Variants in COL4A1 observed in about 807,000 individuals in gnomAD.
The protein encoded by COL4A1 is collagen type IV alpha 1 chain, also known as collagen alpha-1(IV) chain.
Under a neutral mutation model 216.6 loss-of-function variants are expected in COL4A1, and 40 were observed. That is an observed-to-expected ratio of 0.18 (90% CI 0.14 to 0.24). The LOEUF (loss-of-function observed/expected upper bound fraction) is 0.24. COL4A1 is among the 10% of genes least tolerant of loss of function. COL4A1 has a pLI of 1.00. For missense variants in COL4A1, 1,628 were observed against 2,196.8 expected, an observed-to-expected ratio of 0.74 and a Z score of 5.18; for synonymous variants, 839 against 810.7, an observed-to-expected ratio of 1.03 and a Z score of -0.59.
Position 110,184,703 on chromosome 13 carries a change from T to TG in COL4A1, c.1898-1428_1898-1427insC, listed in dbSNP as rs771419820. Among the ~76,000 whole-genome samples, 980 of 149,108 alleles carry TG rather than the reference T, an allele frequency of 6.6e-3. 7 individuals are homozygous for TG. Among genetic ancestry groups the TG allele is most frequent in the African/African-American group, 0.022 (910 of 40,984 alleles). ...GACTGTGTGTGTGTGTGTGTGTGTG[T>TG]TTTGTTTGTTTGTTTGTTTGTTTTT... is the stretch of plus-strand genomic sequence containing the variant. On this transcript the variant is annotated intron_variant, in intron 26 of 51. Coordinates refer to ENST00000375820, the MANE Select transcript of COL4A1 (RefSeq NM_001845.6).
chr13:110,223,237 G>C (rs1321929537), intron 2 of COL4A1, among the ~76,000 whole-genome samples: 1 of 152,108 alleles, frequency 6.6e-6, no homozygotes, highest in Non-Finnish European at 1.5e-5. Flanking sequence ...TCACAGGGAG[G>C]TCTCTAAGAA....
At chr13:110,241,813 A>C (rs903100552) in intron 2 of COL4A1, among the ~76,000 whole-genome samples, 1 of 152,218 alleles carries the variant, frequency 6.6e-6, no homozygotes, top group Non-Finnish European at 1.5e-5. Context: ...TGGCCCCATA[A>C]AACCTCTGGC....
chr13:110,230,104 G>A (rs997213250), intron 2 of COL4A1, among the ~76,000 whole-genome samples: 1 of 125,778 alleles, frequency 8.0e-6, no homozygotes, highest in Admixed American at 8.7e-5. Flanking sequence ...GGACGAGGAG[G>A]GCTCCATTCA....
At chr13:110,260,554 A>G (rs1191580887) in intron 1 of COL4A1, among the ~76,000 whole-genome samples, 2 of 152,214 alleles carry the variant, frequency 1.3e-5, no homozygotes, top group African/African-American at 4.8e-5. Context: ...GGGTGGTACA[A>G]AAGGCCATCT....
intron 2 of COL4A1, among the ~76,000 whole-genome samples, chr13:110,229,904 G>A (rs552088277): frequency 1.3e-5 from 2 of 152,242 alleles, no homozygotes; most frequent in African/African-American, 4.8e-5. Context: ...CACTTCCGAC[G>A]TTCACCCTCT....
At chr13:110,193,813 G>A (rs1878754879) in intron 22 of COL4A1, among the ~76,000 whole-genome samples, 1 of 152,230 alleles carries the variant, frequency 6.6e-6, no homozygotes, top group Non-Finnish European at 1.5e-5. Context: ...AGGCAGAGCA[G>A]GAGCCCATCA....
At chr13:110,298,215 A>G (rs1274828276) in intron 1 of COL4A1, among the ~76,000 whole-genome samples, 1 of 152,246 alleles carries the variant, frequency 6.6e-6, no homozygotes, top group African/African-American at 2.4e-5. Context: ...TGGGAAAACA[A>G]AATCTAATTA....
At chr13:110,227,168 T>A (rs1171721398) in intron 2 of COL4A1, among the ~76,000 whole-genome samples, 1 of 152,196 alleles carries the variant, frequency 6.6e-6, no homozygotes, top group Non-Finnish European at 1.5e-5. Flanking sequence ...CTTTTTTTCT[T>A]AACTACTTAA....
In COL4A1 at chr13:110,203,554, A is replaced by G. The variant is rs774960938; in HGVS notation, c.999+12T>C. 1.5e-5 allele frequency: 25 copies of G among 1,613,074 alleles called. No individual in the cohort carries two copies. In the East Asian group the frequency reaches 3.1e-4, roughly 20 times the overall value. ...GCGCTCTCACAGACCCAGGGACAGC[A>G]CTCTTACTCACAATTCCAGGTGGGC... is the stretch of plus-strand genomic sequence containing the variant. On this transcript the variant is annotated intron_variant, in intron 18 of 51. Coordinates refer to ENST00000375820, the MANE Select transcript of COL4A1 (RefSeq NM_001845.6).
At chr13:110,247,742 C>G (rs61963327) in intron 1 of COL4A1, among the ~76,000 whole-genome samples, 19,478 of 147,544 alleles carry the variant, frequency 0.13, 1,508 homozygotes, top group Non-Finnish European at 0.18. Context: ...ATTCTGTTTA[C>G]AGAATGCCTT....
chr13:110,196,250 T>A lies in COL4A1; in HGVS notation c.1286-1132A>T, dbSNP rs374010175. Among the ~76,000 whole-genome samples, 14 of 151,794 alleles carry A rather than the reference T, an allele frequency of 9.2e-5. 1 individual carries two copies. In the East Asian group the frequency reaches 1.9e-3, roughly 21 times the overall value. On this transcript the variant is annotated intron_variant, in intron 21 of 51. Coordinates refer to ENST00000375820, the MANE Select transcript of COL4A1 (RefSeq NM_001845.6). The stretch of plus-strand genomic sequence containing the variant: ...AGGAGGCAAGAAAGCCCAAGTGGGG[T>A]CACCATGGGTCCCCCACAGCCACTG...
Position 110,174,603 on chromosome 13 carries a change from G to A in COL4A1, c.3325+20C>T. 1 of 1,614,156 alleles carries A rather than the reference G, an allele frequency of 6.2e-7. No homozygotes were observed. Among genetic ancestry groups the A allele is most frequent in the Non-Finnish European group, 8.5e-7 (1 of 1,180,024 alleles). On this transcript the variant is annotated intron_variant, in intron 38 of 51. Transcript: ENST00000375820. ...GATTTCTTAGATTCCCCAAGTCCAA[G>A]AGAAGCCCCCCTCACCTACCTGGAT...
rs185142643 is a variant in COL4A1, at chr13:110,166,193, G to A, written c.4021+39C>T. The A allele has an allele frequency of 8.1e-5, 100 of 1,238,906 alleles. No homozygotes were observed. The African/African-American group carries it at 1.0e-3, about 13-fold the overall frequency. 76.7% of individuals were successfully genotyped at this position (1,238,906 alleles called of 1,614,324 possible). A position where few individuals can be genotyped will look rare whatever the true frequency, so the allele number is the denominator to read the frequency against. On this transcript the variant is annotated intron_variant, in intron 45 of 51. Coordinates refer to ENST00000375820, the MANE Select transcript of COL4A1 (RefSeq NM_001845.6). ...TTCCTGGCTTTTACATTTTCACAAA[G>A]CACCAGTAAGGTGTCCACAGATCAA...
chr13:110,252,646 ACAAAATGTAT>A (rs1882175477), intron 1 of COL4A1, among the ~76,000 whole-genome samples: 3 of 38,282 alleles, frequency 7.8e-5, no homozygotes, highest in African/African-American at 3.0e-4. Flanking sequence ...ATACTTATAT[ACAAAATGTAT>A]ATATGTATAT....
At chr13:110,155,237 G>T in intron 50 of COL4A1, 46 bp downstream of exon 50, 1 of 1,423,268 alleles carries the variant, frequency 7.0e-7, no homozygotes, top group Non-Finnish European at 9.9e-7. Flanking sequence ...TATGGGGCGT[G>T]AGTGGGGCTC....
intron 48 of COL4A1, chr13:110,161,843 CA>C (rs1296282445): frequency 3.1e-6 from 1 of 327,644 alleles, no homozygotes; most frequent in African/African-American, 2.1e-5. Context: ...TAGAGAATTT[CA>C]GACAGGATAA....
chr13:110,199,474 A>G (rs667968), intron 20 of COL4A1, among the ~76,000 whole-genome samples: 84,833 of 151,574 alleles, frequency 0.56, 23,965 homozygotes, highest in East Asian at 0.82. Context: ...GGCAGCCAAG[A>G]GCCCCGAGGG....
chr13:110,222,490 C>CCTAAATATTCATTGTAGTA (rs1555308292), intron 2 of COL4A1, among the ~76,000 whole-genome samples: 1 of 151,304 alleles, frequency 6.6e-6, no homozygotes, highest in Non-Finnish European at 1.5e-5. Flanking sequence ...AAGGCTTTTT[C>CCTAAATATTCATTGTAGTA]AGGCCGGGCG....
intron 1 of COL4A1, among the ~76,000 whole-genome samples, chr13:110,290,954 G>A (rs904837895): frequency 6.6e-6 from 1 of 152,196 alleles, no homozygotes; most frequent in Non-Finnish European, 1.5e-5. Context: ...AGCCAAGGGC[G>A]ATTGCACGTC....
Sources: allele counts gnomAD v4.1 joint callset (sites outside exome capture counted in the v4.1 genomes callset), GRCh38; gene constraint gnomAD v4.1.1; transcripts MANE v1.5; gene names NCBI Gene and HGNC (gene_info 2026-07-23, HGNC 2026-07-21).